Variants in FHIT observed in about 807,000 individuals in gnomAD.
The protein encoded by FHIT is fragile histidine triad diadenosine triphosphatase, also known as bis(5'-adenosyl)-triphosphatase.
Under a neutral mutation model 17.9 loss-of-function variants are expected in FHIT, and 19 were observed. The observed-to-expected ratio is 1.06, with a 90% CI of 0.74 to 1.56. The LOEUF (loss-of-function observed/expected upper bound fraction) is 1.56. Ranked by LOEUF, FHIT falls within the 40% of genes most tolerant of loss-of-function variation. FHIT has a pLI of 0.00. For missense variants in FHIT, 248 were observed against 189.2 expected, an observed-to-expected ratio of 1.31 and a Z score of -1.82; for synonymous variants, 81 against 69.7, an observed-to-expected ratio of 1.16 and a Z score of -0.81.
intron 5 of FHIT, among the ~76,000 whole-genome samples, chr3:60,059,078 C>A (rs1702200156): frequency 6.6e-6 from 1 of 152,072 alleles, no homozygotes; most frequent in Non-Finnish European, 1.5e-5. Context: ...CTCCCAACAC[C>A]CCCACCAGGA....
chr3:61,207,016 T>C (rs1486089885), intron 1 of FHIT, among the ~76,000 whole-genome samples: 2 of 152,182 alleles, frequency 1.3e-5, no homozygotes, highest in East Asian at 1.9e-4. Context: ...TTATTGAGAG[T>C]TTTTAGCATG....
intron 4 of FHIT, among the ~76,000 whole-genome samples, chr3:60,726,782 A>T (rs1195437679): frequency 6.6e-6 from 1 of 152,190 alleles, no homozygotes; most frequent in Non-Finnish European, 1.5e-5. Flanking sequence ...ATATAAGAGG[A>T]AAAGGATGTG....
intron 7 of FHIT, among the ~76,000 whole-genome samples, chr3:59,988,826 G>C (rs1008746811): frequency 6.6e-6 from 1 of 152,094 alleles, no homozygotes; most frequent in Non-Finnish European, 1.5e-5. Context: ...TCCAAGATAG[G>C]GGAATGCAGT....
At chr3:60,292,586 G>A (rs894871779) in intron 5 of FHIT, among the ~76,000 whole-genome samples, 4 of 152,148 alleles carry the variant, frequency 2.6e-5, no homozygotes, top group Non-Finnish European at 5.9e-5. Context: ...GAACAAAACT[G>A]TGTGAAACAG....
intron 7 of FHIT, among the ~76,000 whole-genome samples, chr3:59,970,806 G>A (rs1010415674): frequency 6.6e-6 from 1 of 150,404 alleles, no homozygotes; most frequent in African/African-American, 2.4e-5. Flanking sequence ...TTAATGCTTG[G>A]GATGCAAAAA....
At chr3:60,618,579 T>A (rs1433827426) in intron 4 of FHIT, among the ~76,000 whole-genome samples, 1 of 152,216 alleles carries the variant, frequency 6.6e-6, no homozygotes, top group Non-Finnish European at 1.5e-5. Context: ...CAAAACCTGA[T>A]TACTTTGAAA....
chr3:60,379,383 T>C (rs1177787740), intron 5 of FHIT, among the ~76,000 whole-genome samples: 2 of 150,924 alleles, frequency 1.3e-5, no homozygotes, highest in East Asian at 3.8e-4. Context: ...GACATAATTA[T>C]CTAGTTAATC....
At chr3:60,034,753 C>T (rs935120022) in intron 5 of FHIT, among the ~76,000 whole-genome samples, 2 of 152,102 alleles carry the variant, frequency 1.3e-5, no homozygotes, top group Non-Finnish European at 2.9e-5. Flanking sequence ...TCAACATTGA[C>T]ATTTATTATA....
At chr3:59,782,669 C>G (rs1702646659) in intron 8 of FHIT, among the ~76,000 whole-genome samples, 1 of 152,078 alleles carries the variant, frequency 6.6e-6, no homozygotes, top group African/African-American at 2.4e-5. Context: ...ATCAGCATAC[C>G]TCAGGCTATT....
At chr3:60,972,725 G>A (rs1382293125) in intron 3 of FHIT, among the ~76,000 whole-genome samples, 1 of 151,878 alleles carries the variant, frequency 6.6e-6, no homozygotes, top group African/African-American at 2.4e-5. Context: ...TAACCAATAT[G>A]TCTCTTATAA....
intron 8 of FHIT, among the ~76,000 whole-genome samples, chr3:59,879,866 G>A (rs1703325933): frequency 6.6e-6 from 1 of 151,878 alleles, no homozygotes. Flanking sequence ...AGACTCTTTG[G>A]GCCACATTAT....
intron 5 of FHIT, among the ~76,000 whole-genome samples, chr3:60,185,325 C>T (rs1301836751): frequency 6.6e-6 from 1 of 152,016 alleles, no homozygotes; most frequent in African/African-American, 2.4e-5. Context: ...ATTTGTTTAC[C>T]ATCTCCATGG....
intron 5 of FHIT, among the ~76,000 whole-genome samples, chr3:60,299,773 G>T (rs563087850): frequency 3.9e-5 from 6 of 152,192 alleles, no homozygotes; most frequent in South Asian, 4.2e-4. Context: ...GGCTGGAGTG[G>T]CTCATTACAT....
At chr3:60,057,473 T>G in intron 5 of FHIT, among the ~76,000 whole-genome samples, 1 of 152,060 alleles carries the variant, frequency 6.6e-6, no homozygotes, top group Middle Eastern at 3.2e-3. Flanking sequence ...GCCATGAAAA[T>G]GAAATTCTGA....
At chr3:60,513,782 G>C (rs188001310) in intron 5 of FHIT, among the ~76,000 whole-genome samples, 1 of 152,214 alleles carries the variant, frequency 6.6e-6, no homozygotes, top group East Asian at 1.9e-4. Flanking sequence ...AATGAGAATA[G>C]GCATGCTTGT....
In FHIT at chr3:61,236,180, A is replaced by G. The variant is rs571857777; in HGVS notation, c.-213+15121T>C. Among the ~76,000 whole-genome samples the G allele has an allele frequency of 8.7e-4, 128 of 146,362 alleles. 2 individuals carry two copies. Among genetic ancestry groups the G allele is most frequent in the African/African-American group, 3.2e-3 (125 of 39,194 alleles). ...GTATTATAACATATACTATAATAAT[A>G]TATTTTTGTTATAATATATAGTATA... On this transcript the variant is annotated intron_variant, in intron 1 of 9. Coordinates refer to ENST00000492590, the MANE Select transcript of FHIT (RefSeq NM_002012.4).
At chr3:60,981,509 C>T (rs1710494151) in intron 3 of FHIT, among the ~76,000 whole-genome samples, 1 of 151,988 alleles carries the variant, frequency 6.6e-6, no homozygotes, top group Admixed American at 6.6e-5. Context: ...TGGGGTTTCA[C>T]TGTGTTGCCC....
chr3:60,682,910 T>C (rs1315950553), intron 4 of FHIT, among the ~76,000 whole-genome samples: 3 of 152,192 alleles, frequency 2.0e-5, no homozygotes, highest in African/African-American at 7.2e-5. Flanking sequence ...AACAAAATAT[T>C]AACATGAAAA....
At chr3:59,975,921 G>C (rs1003824574) in intron 7 of FHIT, among the ~76,000 whole-genome samples, 1 of 152,086 alleles carries the variant, frequency 6.6e-6, no homozygotes, top group African/African-American at 2.4e-5. Flanking sequence ...CCGTCACAGA[G>C]AGTAAGGTCT....
Sources: allele counts gnomAD v4.1 joint callset (sites outside exome capture counted in the v4.1 genomes callset), GRCh38; gene constraint gnomAD v4.1.1; transcripts MANE v1.5; gene names NCBI Gene and HGNC (gene_info 2026-07-23, HGNC 2026-07-21).